The following NLGN1 variants were observed in gnomAD, a reference collection of about 807,000 sequenced individuals.
NLGN1 encodes the protein neuroligin 1.
Under a neutral mutation model 65.5 loss-of-function variants are expected in NLGN1, and 12 were observed. The ratio of observed to expected loss-of-function variants is 0.18; its 90% CI spans 0.12 to 0.30. The LOEUF (loss-of-function observed/expected upper bound fraction) is 0.30, where lower values mean the gene tolerates loss of function less well. Among genes scored for constraint, NLGN1 ranks in the 10% least tolerant of loss-of-function variants. The probability of loss-of-function intolerance (pLI) is 1.00; values close to 1 mark genes in which losing one functional copy is unlikely to be tolerated. For synonymous variants in NLGN1, 350 were observed against 359.5 expected (o/e 0.97, Z 0.30); for missense variants, 750 against 1,007.1 (o/e 0.74, Z 3.46).
At chr3:173,796,892 ACTGT>A (rs1380772175) in intron 3 of NLGN1, among the ~76,000 whole-genome samples, 4 of 152,164 alleles carry the variant, frequency 2.6e-5, no homozygotes, top group African/African-American at 9.7e-5. Context: ...CTAAAATGTG[ACTGT>A]CTACTTTTCA....
intron 3 of NLGN1, among the ~76,000 whole-genome samples, chr3:173,770,049 G>A (rs1354965211): frequency 1.3e-5 from 2 of 152,120 alleles, no homozygotes; most frequent in Admixed American, 6.5e-5. Flanking sequence ...GTTTGGAAAC[G>A]GTCCTCTTCC....
At chr3:173,869,368 A>G (rs996225754) in intron 4 of NLGN1, among the ~76,000 whole-genome samples, 2 of 152,194 alleles carry the variant, frequency 1.3e-5, no homozygotes, top group Non-Finnish European at 2.9e-5. Context: ...CAACTTAATG[A>G]AAATGATCAA....
intron 3 of NLGN1, among the ~76,000 whole-genome samples, chr3:173,675,272 T>C (rs1053861279): frequency 6.6e-6 from 1 of 152,124 alleles, no homozygotes; most frequent in African/African-American, 2.4e-5. Context: ...ATCAATAACA[T>C]ATTCTTTTTT....
intron 3 of NLGN1, among the ~76,000 whole-genome samples, chr3:173,667,554 A>G (rs779206900): frequency 8.5e-5 from 13 of 152,068 alleles, no homozygotes; most frequent in Non-Finnish European, 1.6e-4. Flanking sequence ...AATTTCACCA[A>G]TTTTATTCTG....
intron 2 of NLGN1, among the ~76,000 whole-genome samples, chr3:173,493,904 A>T (rs1729588420): frequency 6.6e-6 from 1 of 151,852 alleles, no homozygotes; most frequent in African/African-American, 2.4e-5. Flanking sequence ...GTTTCTAAAA[A>T]TTTATTAAAA....
At chr3:173,990,876 A>G (rs1357723605) in intron 4 of NLGN1, among the ~76,000 whole-genome samples, 3 of 152,304 alleles carry the variant, frequency 2.0e-5, no homozygotes, top group South Asian at 2.1e-4. Context: ...TTTTCTTATT[A>G]AAACATTTTT....
At chr3:173,509,127 T>C (rs1407139941) in intron 2 of NLGN1, among the ~76,000 whole-genome samples, 1 of 152,158 alleles carries the variant, frequency 6.6e-6, no homozygotes, top group Admixed American at 6.6e-5. Flanking sequence ...CATTAAATAG[T>C]ATCTTATTGT....
At chr3:174,170,550 A>G (rs368562686) in intron 4 of NLGN1, among the ~76,000 whole-genome samples, 31 of 152,276 alleles carry the variant, frequency 2.0e-4, no homozygotes, top group East Asian at 1.5e-3. Context: ...GAAAGAAAAG[A>G]TATGGTTTTG....
intron 1 of NLGN1, among the ~76,000 whole-genome samples, chr3:173,417,662 C>G (rs1714073241): frequency 6.6e-6 from 1 of 151,844 alleles, no homozygotes; most frequent in Admixed American, 6.6e-5. Flanking sequence ...CAATAACTTG[C>G]AATTTCAAAG....
chr3:173,874,637 G>T (rs1199549926), intron 4 of NLGN1, among the ~76,000 whole-genome samples: 1 of 152,106 alleles, frequency 6.6e-6, no homozygotes, highest in Non-Finnish European at 1.5e-5. Flanking sequence ...TCAATTAGAG[G>T]TTAGTGATGA....
chr3:173,871,883 T>G (rs1731228377), intron 4 of NLGN1, among the ~76,000 whole-genome samples: 1 of 152,218 alleles, frequency 6.6e-6, no homozygotes, highest in Admixed American at 6.5e-5. Context: ...CAAAAATTTT[T>G]AAGATTTGGG....
chr3:174,293,368 TG>T, the NLGN1 span, among the ~76,000 whole-genome samples: 13 of 151,482 alleles, frequency 8.6e-5, no homozygotes, highest in African/African-American at 3.1e-4. Context: ...TAAATAGGAT[TG>T]TAATAAAATT....
chr3:174,267,939 CACAT>C (rs960692365), intron 4 of NLGN1, among the ~76,000 whole-genome samples: 1 of 152,072 alleles, frequency 6.6e-6, no homozygotes. Context: ...AGCACACACA[CACAT>C]AGTTTACAAT....
intron 4 of NLGN1, among the ~76,000 whole-genome samples, chr3:174,048,322 C>T (rs762292752): frequency 1.3e-5 from 2 of 151,924 alleles, no homozygotes; most frequent in African/African-American, 2.4e-5. Context: ...AGTTTAGTTT[C>T]CTCATCTGCA....
At chr3:173,719,103 G>A (rs1770370283) in intron 3 of NLGN1, among the ~76,000 whole-genome samples, 1 of 152,084 alleles carries the variant, frequency 6.6e-6, no homozygotes, top group Non-Finnish European at 1.5e-5. Flanking sequence ...TCAAAGCAAA[G>A]CACTATTCCA....
chr3:174,015,530 G>T (rs914674880), intron 4 of NLGN1, among the ~76,000 whole-genome samples: 2 of 152,090 alleles, frequency 1.3e-5, no homozygotes, highest in African/African-American at 2.4e-5. Context: ...ACTCCCAAAG[G>T]CCCCATCTCC....
At position 173,875,155 on chromosome 3, in the gene NLGN1, T is replaced by C. The variant is rs1446254530; in HGVS notation, c.646+67323T>C. The stretch of plus-strand genomic sequence containing the variant: ...AGACTTTGCCATTCATGACATACCA[T>C]GGATAGGAACAGCGTAGAAGGTGTT... On this transcript the variant is annotated intron_variant, in intron 4 of 6. Coordinates refer to ENST00000457714, the Ensembl canonical transcript of NLGN1. Among the ~76,000 whole-genome samples, 4 of 152,316 alleles carry C rather than the reference T, an allele frequency of 2.6e-5. No homozygotes were observed. The East Asian group carries it at 7.7e-4, about 29-fold the overall frequency.
chr3:174,124,466 T>C (rs1483012729), intron 4 of NLGN1, among the ~76,000 whole-genome samples: 1 of 150,248 alleles, frequency 6.7e-6, no homozygotes, highest in African/African-American at 2.4e-5. Context: ...ATGAAACAAA[T>C]ATATTATAGA....
intron 4 of NLGN1, among the ~76,000 whole-genome samples, chr3:174,190,336 C>G (rs182870218): frequency 6.6e-6 from 1 of 151,666 alleles, no homozygotes; most frequent in African/African-American, 2.4e-5. Flanking sequence ...CCCATTCTAT[C>G]GCAAAACAGT....
Sources: gnomAD v4.1 joint callset for allele counts (sites outside exome capture counted in the v4.1 genomes callset) on GRCh38, gnomAD v4.1.1 for gene constraint, MANE v1.5 for transcripts, NCBI Gene and HGNC (gene_info 2026-07-23, HGNC 2026-07-21) for gene names.